The following CALN1 variants were observed in gnomAD, a reference collection of about 807,000 sequenced individuals.
CALN1 encodes calneuron 1.
In CALN1, 17 loss-of-function variants were observed where a neutral mutation model predicts 30.6. The observed-to-expected ratio is 0.56, with a 90% CI of 0.38 to 0.83. CALN1 has a LOEUF of 0.83. Ranked by LOEUF, CALN1 falls within the 40% of genes least tolerant of loss-of-function variation. The probability of loss-of-function intolerance (pLI) is 0.00; values close to 1 mark genes in which losing one functional copy is unlikely to be tolerated. For missense variants in CALN1, 291 were observed against 354.9 expected (o/e 0.82, Z 1.45); for synonymous variants, 156 against 131.4 (o/e 1.19, Z -1.28).
intron 5 of CALN1, among the ~76,000 whole-genome samples, chr7:71,887,445 G>A (rs770708922): frequency 1.6e-4 from 24 of 152,068 alleles, no homozygotes; most frequent in African/African-American, 5.1e-4. Context: ...ACAGGCATGC[G>A]TCACCACGCC....
At chr7:71,957,177 G>A (rs1166533376) in intron 5 of CALN1, among the ~76,000 whole-genome samples, 1 of 151,750 alleles carries the variant, frequency 6.6e-6, no homozygotes, top group African/African-American at 2.4e-5. Context: ...AGCCACTCTC[G>A]GCTTTGATGG....
intron 2 of CALN1, among the ~76,000 whole-genome samples, chr7:72,288,121 G>A (rs1002453680): frequency 6.6e-6 from 1 of 152,126 alleles, no homozygotes; most frequent in Non-Finnish European, 1.5e-5. Flanking sequence ...TCTGATTGCG[G>A]TCAAGACACT....
At chr7:72,282,267 G>C (rs898378472) in intron 2 of CALN1, among the ~76,000 whole-genome samples, 2 of 152,148 alleles carry the variant, frequency 1.3e-5, no homozygotes, top group African/African-American at 4.8e-5. Flanking sequence ...CTTCTATAGA[G>C]AGCAACAAAC....
At chr7:72,276,307 A>T (rs1175402584) in intron 3 of CALN1, among the ~76,000 whole-genome samples, 2 of 151,960 alleles carry the variant, frequency 1.3e-5, no homozygotes, top group East Asian at 3.9e-4. Flanking sequence ...CACAGTGAAG[A>T]CTCCCATAGG....
chr7:72,333,131 T>C (rs1801783410), intron 2 of CALN1, among the ~76,000 whole-genome samples: 1 of 152,158 alleles, frequency 6.6e-6, no homozygotes. Context: ...CACCCTTTCC[T>C]CTGCACCAGA....
chr7:72,244,666 G>A (rs893066643), intron 3 of CALN1, among the ~76,000 whole-genome samples: 6 of 151,676 alleles, frequency 4.0e-5, no homozygotes, highest in Non-Finnish European at 8.8e-5. Flanking sequence ...AATTAAAATG[G>A]GGGTTGAGTA....
chr7:71,788,493 T>TG (rs199640443), intron 6 of CALN1, among the ~76,000 whole-genome samples: 13 of 142,012 alleles, frequency 9.2e-5, no homozygotes, highest in Middle Eastern at 3.6e-3. Flanking sequence ...TTTTTGTTGT[T>TG]TTTTTTTTTT....
At chr7:72,192,268 C>G (rs891169742) in intron 3 of CALN1, among the ~76,000 whole-genome samples, 2 of 152,178 alleles carry the variant, frequency 1.3e-5, no homozygotes, top group African/African-American at 4.8e-5. Context: ...TGTAACACAA[C>G]AGTAAGCATC....
intron 4 of CALN1, among the ~76,000 whole-genome samples, chr7:72,031,718 C>A (rs1481331014): frequency 6.6e-6 from 1 of 150,986 alleles, no homozygotes; most frequent in African/African-American, 2.4e-5. Flanking sequence ...CAGTTATGTG[C>A]CACCACGCCT....
intron 2 of CALN1, among the ~76,000 whole-genome samples, chr7:72,285,705 T>G (rs1463870723): frequency 6.6e-6 from 1 of 152,194 alleles, no homozygotes; most frequent in Non-Finnish European, 1.5e-5. Context: ...AGAAAAACAT[T>G]TGGAGAAATG....
intron 3 of CALN1, among the ~76,000 whole-genome samples, chr7:72,228,814 T>G (rs970220279): frequency 2.0e-5 from 3 of 151,630 alleles, no homozygotes; most frequent in Admixed American, 2.0e-4. Flanking sequence ...CAGGCTGGAG[T>G]GCACTGATGC....
At chr7:72,196,498 A>G (rs1364204205) in intron 3 of CALN1, among the ~76,000 whole-genome samples, 1 of 151,592 alleles carries the variant, frequency 6.6e-6, no homozygotes, top group African/African-American at 2.4e-5. Flanking sequence ...TTGTACAAAA[A>G]GTCATGGAAT....
chr7:72,215,027 C>A (rs1325471344), intron 3 of CALN1, among the ~76,000 whole-genome samples: 1 of 151,894 alleles, frequency 6.6e-6, no homozygotes, highest in Non-Finnish European at 1.5e-5. Context: ...ACAATGTAAT[C>A]ATAATAGAAA....
intron 3 of CALN1, among the ~76,000 whole-genome samples, chr7:72,157,719 T>G (rs1787802891): frequency 6.6e-6 from 1 of 152,078 alleles, no homozygotes; most frequent in Non-Finnish European, 1.5e-5. Flanking sequence ...GGAAAACCAT[T>G]TGAAAGTTAG....
At position 71,834,115 on chromosome 7, in the gene CALN1, G is replaced by A. The variant is rs193147156; in HGVS notation, c.502-23623C>T. Among the ~76,000 whole-genome samples the A allele has an allele frequency of 1.0e-4, 15 of 150,520 alleles. No homozygotes were observed. In the South Asian group the frequency reaches 1.9e-3, roughly 19 times the overall value. On this transcript the variant is annotated intron_variant, in intron 5 of 6. Coordinates refer to ENST00000395275, the MANE Select transcript of CALN1 (RefSeq NM_031468.4). ...TGCGTGCCTATAGTCCCAGCTACTC[G>A]GGAGGCCGAGGCAGGAGAATCTCTT...
chr7:72,250,676 G>A (rs906194242), intron 3 of CALN1, among the ~76,000 whole-genome samples: 3 of 152,036 alleles, frequency 2.0e-5, no homozygotes, highest in African/African-American at 7.2e-5. Flanking sequence ...ATTAGTTCAT[G>A]TGGGAGCTGG....
At chr7:72,332,288 C>T (rs561759292) in intron 2 of CALN1, among the ~76,000 whole-genome samples, 2 of 152,094 alleles carry the variant, frequency 1.3e-5, no homozygotes, top group South Asian at 4.2e-4. Context: ...CTTTTAGTTA[C>T]AGGCAAATTA....
Position 71,981,217 on chromosome 7 carries a change from G to C in CALN1, c.501+42440C>G, listed in dbSNP as rs148038125. ...TAGATCTTAGGAACAAGTCTCAGGA[G>C]ACAGAATCTCTCTGATTTTCCCCTG... On this transcript the variant is annotated intron_variant, in intron 5 of 6. Coordinates refer to ENST00000395275, the MANE Select transcript of CALN1 (RefSeq NM_031468.4). Among the ~76,000 whole-genome samples, 47 of 152,280 alleles carry C rather than the reference G, an allele frequency of 3.1e-4. No homozygotes were observed. The East Asian group carries it at 5.0e-3, about 16-fold the overall frequency.
In CALN1 at chr7:71,871,043, G is replaced by A. The variant is rs183977275; in HGVS notation, c.502-60551C>T. Among the ~76,000 whole-genome samples, 6 of 151,420 alleles carry A rather than the reference G, an allele frequency of 4.0e-5. No homozygotes were observed. In the East Asian group the frequency reaches 1.2e-3, roughly 29 times the overall value. On this transcript the variant is annotated intron_variant, in intron 5 of 6. Coordinates refer to ENST00000395275, the MANE Select transcript of CALN1 (RefSeq NM_031468.4). ...ACGCACCTGTTGAAGGAATGATTAA[G>A]CAAAAAAAAGAAAAAAGAAAAAAAG...
Sources: allele counts gnomAD v4.1 joint callset (sites outside exome capture counted in the v4.1 genomes callset), GRCh38; gene constraint gnomAD v4.1.1; transcripts MANE v1.5; gene names NCBI Gene and HGNC (gene_info 2026-07-23, HGNC 2026-07-21).